Variants in KIAA0513 observed in about 807,000 individuals in gnomAD.
KIAA0513 encodes KIAA0513, also known as uncharacterized protein KIAA0513.
A neutral mutation model predicts 56.5 loss-of-function variants in KIAA0513; 39 were observed. That is an observed-to-expected ratio of 0.69 (90% CI 0.53 to 0.90). The LOEUF (loss-of-function observed/expected upper bound fraction) is 0.90, where lower values mean the gene tolerates loss of function less well. Ranked by LOEUF, KIAA0513 falls within the 40% of genes least tolerant of loss-of-function variation. The pLI, the probability that KIAA0513 is intolerant of heterozygous loss-of-function variation, is 0.00. For missense variants in KIAA0513, 591 were observed against 535.2 expected (o/e 1.10, Z -1.03); for synonymous variants, 268 against 215.6 (o/e 1.24, Z -2.13).
intron 1 of KIAA0513, among the ~76,000 whole-genome samples, chr16:85,049,560 A>T (rs2073219698): frequency 1.3e-5 from 2 of 152,116 alleles, no homozygotes; most frequent in African/African-American, 2.4e-5. Context: ...GCGAGTTCTC[A>T]TGAGATCTGG....
At chr16:85,057,394 A>T (rs576963486) in intron 1 of KIAA0513, among the ~76,000 whole-genome samples, 1 of 152,186 alleles carries the variant, frequency 6.6e-6, no homozygotes, top group African/African-American at 2.4e-5. Flanking sequence ...GGGCGACGGG[A>T]GGAGGTGTGT....
chr16:85,035,743 C>G (rs1031089582), intron 1 of KIAA0513, among the ~76,000 whole-genome samples: 2 of 152,124 alleles, frequency 1.3e-5, no homozygotes, highest in Admixed American at 6.5e-5. Flanking sequence ...CTTTGGGAGG[C>G]TGAGGCGGGC....
intron 4 of KIAA0513, among the ~76,000 whole-genome samples, chr16:85,074,668 G>A (rs978244718): frequency 2.6e-5 from 4 of 152,144 alleles, no homozygotes; most frequent in African/African-American, 9.7e-5. Flanking sequence ...GCTGGCCAGG[G>A]GAGGGCTAAG....
intron 1 of KIAA0513, among the ~76,000 whole-genome samples, chr16:85,028,085 G>A (rs1411601537): frequency 6.6e-6 from 1 of 152,168 alleles, no homozygotes; most frequent in Non-Finnish European, 1.5e-5. Context: ...CCTGCTGGGA[G>A]GCAAAGGGAA....
At position 85,084,396 on chromosome 16, in the gene KIAA0513, C is replaced by A. The variant is rs1310041986; in HGVS notation, c.1010+1803C>A. Among the ~76,000 whole-genome samples the A allele has an allele frequency of 4.0e-5, 6 of 149,848 alleles. 1 individual carries two copies. The highest frequency in any genetic ancestry group is 1.5e-4 in the African/African-American group (6 of 40,574). The stretch of plus-strand genomic sequence containing the variant: ...GAGTAGCTGGGATTACAGGTGCCCG[C>A]CACCACACGTGGCTAATTTTTCTTT... On this transcript the variant is annotated intron_variant, in intron 10 of 12. Coordinates refer to ENST00000683363, the MANE Select transcript of KIAA0513 (RefSeq NM_001388359.1).
chr16:85,042,291 C>T (rs1050058122), intron 1 of KIAA0513, among the ~76,000 whole-genome samples: 37 of 152,288 alleles, frequency 2.4e-4, no homozygotes, highest in African/African-American at 8.9e-4. Flanking sequence ...TTGCTAATCA[C>T]GTGCGGTCTG....
intron 1 of KIAA0513, among the ~76,000 whole-genome samples, chr16:85,050,541 C>G (rs1462526377): frequency 5.3e-5 from 8 of 152,170 alleles, no homozygotes; most frequent in African/African-American, 1.9e-4. Context: ...GTCTCGAACT[C>G]CTGACCTCAA....
chr16:85,073,271 A>G (rs2073606332), intron 4 of KIAA0513, among the ~76,000 whole-genome samples: 1 of 152,180 alleles, frequency 6.6e-6, no homozygotes, highest in African/African-American at 2.4e-5. Context: ...TCAGGGCCAG[A>G]TGGTGATGGT....
At chr16:85,044,508 T>A (rs1008088674) in intron 1 of KIAA0513, among the ~76,000 whole-genome samples, 7 of 143,778 alleles carry the variant, frequency 4.9e-5, no homozygotes, top group Non-Finnish European at 1.0e-4. Context: ...CTTTTTATTT[T>A]TATTTTTTTT....
chr16:85,049,962 C>G (rs1740229389), intron 1 of KIAA0513, among the ~76,000 whole-genome samples: 1 of 152,194 alleles, frequency 6.6e-6, no homozygotes, highest in Admixed American at 6.5e-5. Context: ...CCAAGTCGGT[C>G]TCTGTCCGAG....
At chr16:85,075,040 C>G (rs2073636433) in intron 4 of KIAA0513, among the ~76,000 whole-genome samples, 1 of 130,962 alleles carries the variant, frequency 7.6e-6, no homozygotes, top group African/African-American at 2.8e-5. Context: ...TGTATAGTTG[C>G]AAAAACAAAG....
intron 1 of KIAA0513, among the ~76,000 whole-genome samples, chr16:85,052,472 C>G (rs1000440481): frequency 1.3e-5 from 2 of 152,174 alleles, no homozygotes; most frequent in African/African-American, 4.8e-5. Flanking sequence ...TTGCATCGTG[C>G]CATTGCACTC....
Position 85,039,105 on chromosome 16 carries a change from C to T in KIAA0513, c.-173+11247C>T, listed in dbSNP as rs141286120. Among the ~76,000 whole-genome samples the T allele has an allele frequency of 3.7e-3, 558 of 152,302 alleles. 3 individuals carry two copies. Among genetic ancestry groups the T allele is most frequent in the African/African-American group, 0.012 (506 of 41,556 alleles). On this transcript the variant is annotated intron_variant, in intron 1 of 12. Coordinates refer to ENST00000683363, the MANE Select transcript of KIAA0513 (RefSeq NM_001388359.1). ...CAATGCCTGGTGCACTGTAGATGCT[C>T]AATAATACTTGTTGAGTGATTGAAT...
intron 1 of KIAA0513, among the ~76,000 whole-genome samples, chr16:85,056,761 G>A (rs1011412059): frequency 6.6e-6 from 1 of 152,186 alleles, no homozygotes; most frequent in African/African-American, 2.4e-5. Context: ...ATGCAGTGGT[G>A]TGATCATAGC....
At chr16:85,062,877 T>C (rs1215031838) in intron 1 of KIAA0513, among the ~76,000 whole-genome samples, 1 of 152,162 alleles carries the variant, frequency 6.6e-6, no homozygotes, top group Non-Finnish European at 1.5e-5. Context: ...GCCATGACCT[T>C]GTCCTGCCTA....
intron 4 of KIAA0513, among the ~76,000 whole-genome samples, chr16:85,075,570 C>A (rs763078565): frequency 6.6e-6 from 1 of 152,126 alleles, no homozygotes; most frequent in Non-Finnish European, 1.5e-5. Flanking sequence ...TGCTCCTGGG[C>A]GTCAAGTTGA....
intron 1 of KIAA0513, among the ~76,000 whole-genome samples, chr16:85,053,437 T>C (rs754170280): frequency 6.6e-6 from 1 of 152,238 alleles, no homozygotes; most frequent in African/African-American, 2.4e-5. Context: ...CCACATTCTC[T>C]ATCAACATGT....
chr16:85,083,113 TTGAG>T (rs1261849401), intron 10 of KIAA0513, among the ~76,000 whole-genome samples: 1 of 152,144 alleles, frequency 6.6e-6, no homozygotes, highest in Non-Finnish European at 1.5e-5. Context: ...GGCCGCCAGT[TTGAG>T]GGAGGCACGG....
intron 1 of KIAA0513, among the ~76,000 whole-genome samples, chr16:85,055,708 C>G (rs2073319015): frequency 6.6e-6 from 1 of 152,212 alleles, no homozygotes; most frequent in African/African-American, 2.4e-5. Context: ...GAATCCGCCA[C>G]CTTCTCCTTT....
Sources: gnomAD v4.1 joint callset for allele counts (sites outside exome capture counted in the v4.1 genomes callset) on GRCh38, gnomAD v4.1.1 for gene constraint, MANE v1.5 for transcripts, NCBI Gene and HGNC (gene_info 2026-07-23, HGNC 2026-07-21) for gene names.